The following CDKL1 variants were observed in gnomAD, a reference collection of about 807,000 sequenced individuals.
The protein encoded by CDKL1 is cyclin dependent kinase like 1, also known as cyclin-dependent kinase-like 1.
Under a neutral mutation model 42.0 loss-of-function variants are expected in CDKL1, and 41 were observed. That is an observed-to-expected ratio of 0.98 (90% CI 0.76 to 1.27). The LOEUF (loss-of-function observed/expected upper bound fraction) is 1.27. Among genes scored for constraint, CDKL1 ranks in the 50% most tolerant of loss-of-function variants. The pLI, the probability that CDKL1 is intolerant of heterozygous loss-of-function variation, is 0.00. For synonymous variants in CDKL1, 153 were observed against 158.6 expected, an observed-to-expected ratio of 0.96 and a Z score of 0.26; for missense variants, 394 against 428.4, an observed-to-expected ratio of 0.92 and a Z score of 0.71.
chr14:50,383,327 A>G (rs2034977329), intron 2 of CDKL1, among the ~76,000 whole-genome samples: 1 of 152,050 alleles, frequency 6.6e-6, no homozygotes, highest in Non-Finnish European at 1.5e-5. Flanking sequence ...AGGCGGGCAG[A>G]TCACTTGAGG....
rs71118873 is a variant in CDKL1, at chr14:50,358,636, C to CTTTTT, written c.290+387_290+391dup. On this transcript the variant is annotated intron_variant, in intron 3 of 9. Transcript: ENST00000395834. ...CAAACACTGGCTGTTTTTAACTAGT[C>CTTTTT]TTTTTTTTTTTTTTTTTTTTTGAGA... Among the ~76,000 whole-genome samples the CTTTTT allele has an allele frequency of 4.6e-4, 31 of 67,662 alleles. 3 individuals carry two copies. The highest frequency in any genetic ancestry group is 1.3e-3 in the African/African-American group (22 of 17,412). The allele number at this position is 67,662 out of a possible 152,430, so 44.4% of individuals were successfully genotyped here.
chr14:50,345,746 G>A (rs1319151575), intron 3 of CDKL1, among the ~76,000 whole-genome samples: 2 of 152,036 alleles, frequency 1.3e-5, no homozygotes, highest in Non-Finnish European at 2.9e-5. Context: ...CTTTCCCTAT[G>A]CTGCCATGGC....
chr14:50,379,513 A>G (rs2034841137), intron 2 of CDKL1, among the ~76,000 whole-genome samples: 1 of 152,150 alleles, frequency 6.6e-6, no homozygotes. Context: ...AAGTGATAAG[A>G]TTCCAGAGTG....
At chr14:50,372,646 C>T (rs2034621923) in intron 2 of CDKL1, among the ~76,000 whole-genome samples, 1 of 152,128 alleles carries the variant, frequency 6.6e-6, no homozygotes, top group Non-Finnish European at 1.5e-5. Context: ...AATTTTCCCC[C>T]TATGTTTTCT....
At chr14:50,390,552 G>T in intron 2 of CDKL1, 1 of 298,246 alleles carries the variant, frequency 3.4e-6, no homozygotes, top group South Asian at 2.8e-5. Flanking sequence ...GTATTTGTAT[G>T]GTTTGTATTT....
At chr14:50,334,811 C>T (rs74049603) in intron 7 of CDKL1, 190 bp from the exon 8 acceptor site, 6,264 of 535,082 alleles carry the variant, frequency 0.012, 214 homozygotes, top group African/African-American at 0.087. Context: ...ACCTCCAAAT[C>T]GCTTTTCCAA....
chr14:50,335,887 A>G, intron 7 of CDKL1: 2 of 1,266,308 alleles, frequency 1.6e-6, no homozygotes, highest in South Asian at 3.0e-5. Context: ...AGGAGAGAAG[A>G]GCCTCTGTTT....
Position 50,344,468 on chromosome 14 carries a change from G to GGTT in CDKL1, c.363+517_363+518insAAC, listed in dbSNP as rs779046290. On this transcript the variant is annotated intron_variant, in intron 4 of 9. Coordinates refer to ENST00000395834, the MANE Select transcript of CDKL1 (RefSeq NM_004196.7). The stretch of plus-strand genomic sequence containing the variant: ...TATGACTAATTTTTTGTTCTTTGTG[G>GGTT]TTTTTTTTTTTTTTTTTTTGAGACA... Among the ~76,000 whole-genome samples the GGTT allele has an allele frequency of 1.5e-5, 2 of 130,880 alleles. 1 individual carries two copies. The highest frequency in any genetic ancestry group is 3.2e-5 in the Non-Finnish European group (2 of 62,660). 85.9% of individuals were successfully genotyped at this position (130,880 alleles called of 152,430 possible). A position where few individuals can be genotyped will look rare whatever the true frequency, so the allele number is the denominator to read the frequency against.
intron 2 of CDKL1, among the ~76,000 whole-genome samples, chr14:50,381,563 G>A (rs2034908828): frequency 6.6e-6 from 1 of 152,138 alleles, no homozygotes. Context: ...GTGGATGCTT[G>A]ACCTGTTTTA....
intron 3 of CDKL1, among the ~76,000 whole-genome samples, chr14:50,352,448 A>G (rs945184776): frequency 6.6e-6 from 1 of 152,224 alleles, no homozygotes; most frequent in African/African-American, 2.4e-5. Flanking sequence ...TTACAAAAGA[A>G]GAAAAATCTA....
At chr14:50,365,381 A>G (rs1327819179) in intron 2 of CDKL1, among the ~76,000 whole-genome samples, 3 of 152,220 alleles carry the variant, frequency 2.0e-5, no homozygotes, top group African/African-American at 4.8e-5. Flanking sequence ...CAAATAGCTG[A>G]TAACTTATCT....
upstream of CDKL1, chr14:50,397,242 G>C: frequency 7.3e-7 from 1 of 1,366,558 alleles, no homozygotes; most frequent in Non-Finnish European, 9.8e-7. Context: ...TATTCCCTTT[G>C]GTCCCTTGGA....
intron 5 of CDKL1, among the ~76,000 whole-genome samples, chr14:50,341,444 C>G (rs1459127439): frequency 3.0e-5 from 2 of 66,016 alleles, no homozygotes; most frequent in Non-Finnish European, 5.9e-5. Context: ...AACAGAATCC[C>G]TGGGGAGGGT....
intron 2 of CDKL1, among the ~76,000 whole-genome samples, chr14:50,365,436 T>G (rs1457165476): frequency 6.6e-6 from 1 of 152,158 alleles, no homozygotes; most frequent in Non-Finnish European, 1.5e-5. Flanking sequence ...AGATGATCAT[T>G]AATACTAAAT....
chr14:50,381,043 T>C (rs11570790), intron 2 of CDKL1, among the ~76,000 whole-genome samples: 1 of 152,154 alleles, frequency 6.6e-6, no homozygotes, highest in African/African-American at 2.4e-5. Flanking sequence ...CTGGTGGGTG[T>C]CTTTGGATTT....
intron 3 of CDKL1, among the ~76,000 whole-genome samples, chr14:50,351,432 T>C (rs902857248): frequency 6.6e-6 from 1 of 152,056 alleles, no homozygotes; most frequent in Non-Finnish European, 1.5e-5. Context: ...ATTGAGAGGC[T>C]ATTAAAATGA....
At chr14:50,391,843 T>A (rs529192818) in intron 2 of CDKL1, among the ~76,000 whole-genome samples, 1 of 152,224 alleles carries the variant, frequency 6.6e-6, no homozygotes, top group African/African-American at 2.4e-5. Context: ...CTCACTCGTA[T>A]AATAAAAACA....
At chr14:50,341,456 T>TGGGGGGGGG (rs10598932) in intron 5 of CDKL1, among the ~76,000 whole-genome samples, 2 of 71,632 alleles carry the variant, frequency 2.8e-5, no homozygotes. Context: ...GGGGAGGGTC[T>TGGGGGGGGG]GGGGGGGGGG....
chr14:50,349,752 T>C (rs2139422621), intron 3 of CDKL1, among the ~76,000 whole-genome samples: 1 of 152,088 alleles, frequency 6.6e-6, no homozygotes, highest in South Asian at 2.1e-4. Context: ...TTTGTTGTTG[T>C]TGTTGTTGTT....
Sources: gnomAD v4.1 joint callset for allele counts (sites outside exome capture counted in the v4.1 genomes callset) on GRCh38, gnomAD v4.1.1 for gene constraint, MANE v1.5 for transcripts, NCBI Gene and HGNC (gene_info 2026-07-23, HGNC 2026-07-21) for gene names.